The following PADI6 variants were observed in gnomAD, a reference collection of about 807,000 sequenced individuals.
PADI6 encodes peptidyl arginine deiminase 6, also known as inactive protein-arginine deiminase type-6.
PADI6 carries 66 observed loss-of-function variants against 78.2 expected under a neutral mutation model. That is an observed-to-expected ratio of 0.84 (90% CI 0.69 to 1.04). The LOEUF is 1.04. Among genes scored for constraint, PADI6 ranks in the 50% least tolerant of loss-of-function variants. The pLI is 0.00. For synonymous variants in PADI6, 397 were observed against 346.9 expected (o/e 1.14, Z -1.60); for missense variants, 854 against 866.1 (o/e 0.99, Z 0.18).
chr1:17,384,644 C>T (rs902919978), intron 6 of PADI6, among the ~76,000 whole-genome samples: 15 of 151,886 alleles, frequency 9.9e-5, no homozygotes, highest in Non-Finnish European at 1.9e-4. Flanking sequence ...GAGACTGAGG[C>T]GGGAGGATCA....
intron 6 of PADI6, among the ~76,000 whole-genome samples, chr1:17,387,275 C>G (rs945048281): frequency 1.1e-4 from 16 of 151,998 alleles, no homozygotes; most frequent in African/African-American, 3.9e-4. Context: ...AAAACCCCAT[C>G]TCTACTAAAA....
chr1:17,399,364 C>T lies in PADI6; in HGVS notation c.1851+517C>T, dbSNP rs1348233078. Among the ~76,000 whole-genome samples, 7 of 151,796 alleles carry T rather than the reference C, an allele frequency of 4.6e-5. No homozygotes were observed. The East Asian group carries it at 5.9e-4, about 13-fold the overall frequency. On this transcript the variant is annotated intron_variant, in intron 15 of 15. Coordinates refer to ENST00000619609, the MANE Select transcript of PADI6 (RefSeq NM_207421.4). Reference sequence around the variant, plus strand: ...CTGTAATCCCAACACTTTGGGAGGCCGAGGCAGGTGGATCACCTGAGGTCA... The same window carrying T: ...CTGTAATCCCAACACTTTGGGAGGCTGAGGCAGGTGGATCACCTGAGGTCA...
rs74834315 is a variant in PADI6, at chr1:17,388,476, G to C, written c.775G>C (p.Val259Leu). ...GAACCACTTGAAGGAGACTTTCTAC[G>C]TTGAAGCTATAGCATTCCCATCTGC... Reference protein sequence around the residue: ...LGNHLKETFYVEAIAFPSAEF... With the variant: ...LGNHLKETFYLEAIAFPSAEF... Residue 259 changes from valine (V) to leucine (L), a missense_variant, in exon 7 of 16, where the codon GTT becomes CTT. Val to Leu is a conservative substitution (Grantham distance 32). Coordinates refer to ENST00000619609, the MANE Select transcript of PADI6 (RefSeq NM_207421.4). The C allele has an allele frequency of 1.2e-6, 2 of 1,613,574 alleles. No homozygotes were observed. The highest frequency in any genetic ancestry group is 1.7e-6 in the Non-Finnish European group (2 of 1,179,684).
intron 3 of PADI6, among the ~76,000 whole-genome samples, chr1:17,376,251 G>A (rs1426003220): frequency 6.6e-6 from 1 of 151,790 alleles, no homozygotes; most frequent in Non-Finnish European, 1.5e-5. Flanking sequence ...GGGATTACAA[G>A]CGTGAGCCAC....
intron 3 of PADI6, among the ~76,000 whole-genome samples, chr1:17,375,785 G>A (rs1439953870): frequency 6.6e-6 from 1 of 151,996 alleles, no homozygotes; most frequent in Admixed American, 6.6e-5. Flanking sequence ...ACCTACGCCT[G>A]TCTAGTGCCT....
intron 4 of PADI6, among the ~76,000 whole-genome samples, chr1:17,380,680 AC>A (rs1465056859): frequency 2.7e-5 from 4 of 150,876 alleles, no homozygotes; most frequent in African/African-American, 9.9e-5. Context: ...TAAAAAAAAA[AC>A]CAGAATGTCT....
intron 4 of PADI6, among the ~76,000 whole-genome samples, chr1:17,380,806 G>A (rs766713726): frequency 3.9e-5 from 6 of 152,120 alleles, no homozygotes; most frequent in Non-Finnish European, 7.3e-5. Flanking sequence ...CTGATTCTCT[G>A]ACTCTGAAAT....
chr1:17,376,226 G>T (rs979294683), intron 3 of PADI6, among the ~76,000 whole-genome samples: 3 of 151,738 alleles, frequency 2.0e-5, no homozygotes, highest in Admixed American at 6.6e-5. Context: ...ACCTGCCTCG[G>T]CCTCCCCAAG....
Position 17,395,085 on chromosome 1 carries a change from A to C in PADI6, c.1472A>C (p.Asp491Ala). Reference sequence around the variant, plus strand: ...GAGTTCATGTGCTTCATCCCCACAGATGACAAGAATGAGGGCAAAAAGGTC... The same window carrying C: ...GAGTTCATGTGCTTCATCCCCACAGCTGACAAGAATGAGGGCAAAAAGGTC... The part of the protein sequence containing the change: ...VDEFMCFIPT[D>A]DKNEGKKGFL... The change falls in exon 12 of 16, where the codon GAT becomes GCT. Residue 491 changes from aspartate (D) to alanine (A), a missense_variant. Asp to Ala is a moderately radical substitution (Grantham distance 126, BLOSUM62 -2). Transcript: ENST00000619609. The C allele has an allele frequency of 6.2e-7, 1 of 1,613,966 alleles. No individual in the cohort carries two copies. Among genetic ancestry groups the C allele is most frequent in the Non-Finnish European group, 8.5e-7 (1 of 1,179,860 alleles).
Position 17,401,459 on chromosome 1 carries a change from A to T in PADI6, c.*21A>T. 1 of 1,602,022 alleles carries T rather than the reference A, an allele frequency of 6.2e-7. No individual in the cohort carries two copies. The highest frequency in any genetic ancestry group is 8.5e-7 in the Non-Finnish European group (1 of 1,170,606). On this transcript the variant is annotated 3_prime_UTR_variant, in exon 16 of 16. Coordinates refer to ENST00000619609, the MANE Select transcript of PADI6 (RefSeq NM_207421.4). Reference sequence around the variant, plus strand: ...CTTAGACCCAGGCCCTGGAGCTGCCAGCTCTGCCCCAGCGTGGATGGCCCA... The same window carrying T: ...CTTAGACCCAGGCCCTGGAGCTGCCTGCTCTGCCCCAGCGTGGATGGCCCA...
At chr1:17,390,992 G>T (rs1267912217) in intron 8 of PADI6, among the ~76,000 whole-genome samples, 2 of 152,192 alleles carry the variant, frequency 1.3e-5, no homozygotes. Context: ...TGTCAGGCTG[G>T]TAGCTCCCTG....
chr1:17,389,521 G>T (rs2075160965), intron 8 of PADI6, among the ~76,000 whole-genome samples: 1 of 152,168 alleles, frequency 6.6e-6, no homozygotes, highest in Non-Finnish European at 1.5e-5. Flanking sequence ...CCAAGATTTG[G>T]ACACTGCAAC....
intron 15 of PADI6, 32 bp downstream of exon 15, chr1:17,398,879 G>C: frequency 6.2e-7 from 1 of 1,607,882 alleles, no homozygotes; most frequent in Non-Finnish European, 8.5e-7. Context: ...CTGGGTGGGG[G>C]AGGGCCTGTC....
intron 9 of PADI6, among the ~76,000 whole-genome samples, chr1:17,392,718 T>C (rs1004934743): frequency 6.6e-6 from 1 of 152,200 alleles, no homozygotes; most frequent in Non-Finnish European, 1.5e-5. Context: ...TTAAGTGCTA[T>C]GAAATTTAGA....
chr1:17,386,789 G>A (rs1156745262), intron 6 of PADI6, among the ~76,000 whole-genome samples: 1 of 152,196 alleles, frequency 6.6e-6, no homozygotes, highest in African/African-American at 2.4e-5. Flanking sequence ...AGTCCATCGG[G>A]AGGGCTGCTG....
intron 7 of PADI6, 86 bp downstream of exon 7, chr1:17,388,645 T>C: frequency 2.7e-6 from 4 of 1,467,868 alleles, no homozygotes; most frequent in Non-Finnish European, 3.7e-6. Flanking sequence ...GAGCTTGAGG[T>C]TTGCTGGGGG....
intron 8 of PADI6, among the ~76,000 whole-genome samples, chr1:17,391,690 G>A (rs562571145): frequency 1.9e-4 from 29 of 152,320 alleles, no homozygotes; most frequent in Non-Finnish European, 3.2e-4. Context: ...GGTGGCAGGC[G>A]TATAGTCCCA....
chr1:17,394,462 A>C lies in PADI6; in HGVS notation c.1337+8A>C. On this transcript the variant is annotated splice_region_variant and intron_variant, in intron 11 of 15. Transcript: ENST00000619609. ...CAGCAGCTTTTACCCCAGGTGAGCC[A>C]CAAAGCCAGACGCCTCCAAATGAAA... 1 of 1,611,282 alleles carries C rather than the reference A, an allele frequency of 6.2e-7. No homozygotes were observed. The highest frequency in any genetic ancestry group is 8.5e-7 in the Non-Finnish European group (1 of 1,178,346).
chr1:17,398,225 CT>C (rs1197413335), intron 14 of PADI6, among the ~76,000 whole-genome samples: 1 of 152,210 alleles, frequency 6.6e-6, no homozygotes, highest in African/African-American at 2.4e-5. Flanking sequence ...AACAGCCCCC[CT>C]GGCATAGCAG....
Sources: allele counts gnomAD v4.1 joint callset (sites outside exome capture counted in the v4.1 genomes callset), GRCh38; gene constraint gnomAD v4.1.1; transcripts MANE v1.5; gene names NCBI Gene and HGNC (gene_info 2026-07-23, HGNC 2026-07-21).